The following SPRR2G variants were observed in gnomAD, a reference collection of about 807,000 sequenced individuals.
SPRR2G encodes small proline rich protein 2G.
In SPRR2G, 1 loss-of-function variant was observed where a neutral mutation model predicts 0.7. The observed-to-expected ratio is 1.49, with a 90% confidence interval of 0.53 to 7.06. The LOEUF (loss-of-function observed/expected upper bound fraction) is 7.06. Ranked by LOEUF, SPRR2G falls within the 30% of genes most tolerant of loss-of-function variation. SPRR2G has a pLI of 0.14. For synonymous variants in SPRR2G, 38 were observed against 33.9 expected (o/e 1.12, Z -0.42); for missense variants, 96 against 88.5 (o/e 1.09, Z -0.34).
chr1:153,189,089 T>C, the SPRR2G span, among the ~76,000 whole-genome samples: 4 of 152,340 alleles, frequency 2.6e-5, no homozygotes, highest in Admixed American at 6.5e-5. Flanking sequence ...CCAGAGCTGT[T>C]CCTATTCAGT....
chr1:153,168,977 G>A, the SPRR2G span, among the ~76,000 whole-genome samples: 1 of 151,754 alleles, frequency 6.6e-6, no homozygotes, highest in African/African-American at 2.4e-5. Context: ...AATCAGCCTT[G>A]AGAAACAAAA....
At chr1:153,153,349 ATTGAG>A (rs1384310029), upstream of SPRR2G, among the ~76,000 whole-genome samples, 12 of 152,314 alleles carry the variant, frequency 7.9e-5, no homozygotes, top group East Asian at 2.1e-3. Context: ...AAACACAATG[ATTGAG>A]TTAAGTCCTA....
the SPRR2G span, among the ~76,000 whole-genome samples, chr1:153,170,424 A>T: frequency 6.6e-6 from 1 of 152,208 alleles, no homozygotes; most frequent in Non-Finnish European, 1.5e-5. Context: ...TGTGCCTTAA[A>T]TCATCTTTGT....
At chr1:153,166,390 T>C in the SPRR2G span, among the ~76,000 whole-genome samples, 2 of 152,154 alleles carry the variant, frequency 1.3e-5, no homozygotes, top group East Asian at 3.8e-4. Context: ...TTTAACTTAG[T>C]TACTTAGGTT....
At chr1:153,181,404 G>T in the SPRR2G span, among the ~76,000 whole-genome samples, 1 of 151,978 alleles carries the variant, frequency 6.6e-6, no homozygotes, top group Admixed American at 6.6e-5. Context: ...TTTATCTGTG[G>T]TGAGTACATT....
chr1:153,165,017 T>G, the SPRR2G span, among the ~76,000 whole-genome samples: 1 of 152,186 alleles, frequency 6.6e-6, no homozygotes, highest in African/African-American at 2.4e-5. Context: ...TGATCAAAGA[T>G]AAAAGTAACT....
At chr1:153,179,438 A>G in the SPRR2G span, among the ~76,000 whole-genome samples, 3 of 152,160 alleles carry the variant, frequency 2.0e-5, no homozygotes, top group African/African-American at 4.8e-5. Context: ...GTAGAATTCA[A>G]TATGAAGTTG....
the SPRR2G span, among the ~76,000 whole-genome samples, chr1:153,169,863 T>C: frequency 6.6e-6 from 1 of 152,214 alleles, no homozygotes; most frequent in South Asian, 2.1e-4. Flanking sequence ...TCCAAATATC[T>C]GTATTTCTGG....
Position 153,150,138 on chromosome 1 carries a change from G to C in SPRR2G, c.-21-7C>G, listed in dbSNP as rs768948578. The C allele has an allele frequency of 2.5e-6, 4 of 1,610,528 alleles. No homozygotes were observed. The African/African-American group carries it at 5.3e-5, about 22-fold the overall frequency. On this transcript the variant is annotated splice_polypyrimidine_tract_variant and splice_region_variant and intron_variant, in intron 1 of 1. Transcript: ENST00000368748. ...CTCCTCAGTCTCAGAGAATCTGAAA[G>C]ATACATACGAAACAGTGCTCATAAG...
chr1:153,163,077 A>G, the SPRR2G span, among the ~76,000 whole-genome samples: 1 of 152,362 alleles, frequency 6.6e-6, no homozygotes, highest in East Asian at 1.9e-4. Flanking sequence ...AGCAGACACC[A>G]TTAAAAATGC....
At chr1:153,160,053 A>G in the SPRR2G span, among the ~76,000 whole-genome samples, 3 of 152,140 alleles carry the variant, frequency 2.0e-5, no homozygotes, top group African/African-American at 7.2e-5. Flanking sequence ...CTGAAAAACA[A>G]ATTTTCTATT....
At chr1:153,150,783 C>T (rs989754815) in intron 1 of SPRR2G, 69 bp downstream of exon 1, 1 of 155,106 alleles carries the variant, frequency 6.4e-6, no homozygotes, top group Non-Finnish European at 1.4e-5. Flanking sequence ...AATAAACAGG[C>T]ATTTCTGTAC....
At chr1:153,164,904 A>C in the SPRR2G span, among the ~76,000 whole-genome samples, 2 of 152,224 alleles carry the variant, frequency 1.3e-5, no homozygotes, top group East Asian at 3.8e-4. Context: ...AACTAGCAGG[A>C]TAACAGGATA....
At chr1:153,163,040 T>C in the SPRR2G span, among the ~76,000 whole-genome samples, 1 of 152,182 alleles carries the variant, frequency 6.6e-6, no homozygotes. Context: ...CTTTTAACCG[T>C]CCATTCAATC....
chr1:153,198,092 A>T, the SPRR2G span, among the ~76,000 whole-genome samples: 1 of 152,222 alleles, frequency 6.6e-6, no homozygotes, highest in Non-Finnish European at 1.5e-5. Flanking sequence ...GGAAGGTGAG[A>T]GAAATCATGC....
chr1:153,189,489 C>T, the SPRR2G span, among the ~76,000 whole-genome samples: 1,169 of 151,886 alleles, frequency 7.7e-3, 18 homozygotes, highest in African/African-American at 0.026. Flanking sequence ...ATTTAATGAA[C>T]TTATAAGAGC....
upstream of SPRR2G, among the ~76,000 whole-genome samples, chr1:153,151,040 C>T (rs1365802848): frequency 6.6e-6 from 1 of 152,222 alleles, no homozygotes; most frequent in Non-Finnish European, 1.5e-5. Context: ...GTCCATGATC[C>T]TCCCCAGCAG....
chr1:153,198,226 C>T, the SPRR2G span, among the ~76,000 whole-genome samples: 1 of 152,162 alleles, frequency 6.6e-6, no homozygotes, highest in African/African-American at 2.4e-5. Context: ...CTGCAAGTAG[C>T]TTTACCCCAG....
chr1:153,149,803 C>G lies in SPRR2G; in HGVS notation c.*86G>C. 1 of 1,532,146 alleles carries G rather than the reference C, an allele frequency of 6.5e-7. No individual in the cohort carries two copies. Among genetic ancestry groups the G allele is most frequent in the South Asian group, 1.1e-5 (1 of 88,052 alleles). 94.9% of individuals were successfully genotyped at this position (1,532,146 alleles called of 1,614,324 possible). On this transcript the variant is annotated 3_prime_UTR_variant, in exon 2 of 2. Transcript: ENST00000368748. The stretch of plus-strand genomic sequence containing the variant: ...TTAGGGAAGATGCAGCCTCCCACTA[C>G]AGCTGAAGGGAAGATGATGGAGTCC...
Sources: allele counts gnomAD v4.1 joint callset (sites outside exome capture counted in the v4.1 genomes callset), GRCh38; gene constraint gnomAD v4.1.1; transcripts MANE v1.5; gene names NCBI Gene and HGNC (gene_info 2026-07-23, HGNC 2026-07-21).